Variants in KLF5 observed in about 807,000 individuals in gnomAD.
KLF5 encodes the protein Krueppel-like factor 5.
Under a neutral mutation model 36.9 loss-of-function variants are expected in KLF5, and 9 were observed. The observed-to-expected ratio is 0.24, with a 90% CI of 0.15 to 0.43. The LOEUF is 0.43. Ranked by LOEUF, KLF5 falls within the 20% of genes least tolerant of loss-of-function variation. The probability of loss-of-function intolerance (pLI) is 1.00; values close to 1 mark genes in which losing one functional copy is unlikely to be tolerated. For synonymous variants in KLF5, 246 were observed against 241.7 expected (o/e 1.02, Z -0.17); for missense variants, 524 against 599.5 (o/e 0.87, Z 1.31).
In KLF5 at chr13:73,059,154, A is replaced by G; in HGVS notation, c.-174A>G. ...TGGCGTTTACGTGTGGAAGAGCGGA[A>G]GAGTTTTGCTTTTCGTGCGCGCCTT... On this transcript the variant is annotated 5_prime_UTR_variant, in exon 1 of 4. Coordinates refer to ENST00000377687, the MANE Select transcript of KLF5 (RefSeq NM_001730.5). 1 of 475,032 alleles carries G rather than the reference A, an allele frequency of 2.1e-6. No homozygotes were observed. The highest frequency in any genetic ancestry group is 7.3e-5 in the South Asian group (1 of 13,626). 29.4% of individuals were successfully genotyped at this position (475,032 alleles called of 1,614,324 possible).
intron 1 of KLF5, 53 bp downstream of exon 1, chr13:73,059,641 C>A: frequency 8.9e-7 from 1 of 1,124,882 alleles, no homozygotes; most frequent in Non-Finnish European, 1.1e-6. Context: ...CGGGCGTGTC[C>A]CGTTGCTGCG....
rs750883928 is a variant in KLF5, at chr13:73,075,800, G to A, written c.1288G>A (p.Ala430Thr). The A allele has an allele frequency of 2.5e-6, 4 of 1,613,596 alleles. No homozygotes were observed. Among genetic ancestry groups the A allele is most frequent in the Non-Finnish European group, 3.4e-6 (4 of 1,179,590 alleles). The stretch of plus-strand genomic sequence containing the variant: ...CCGCCACTACCGGAAGCACACAGGC[G>A]CCAAGCCCTTCCAGTGCGGGGTGTG... ...LTRHYRKHTGAKPFQCGVCNR... is the reference protein window; with the variant it reads ...LTRHYRKHTGTKPFQCGVCNR... Residue 430 changes from alanine (A) to threonine (T), a missense_variant, in exon 4 of 4, where the codon GCC becomes ACC. Transcript: ENST00000377687.
intron 3 of KLF5, among the ~76,000 whole-genome samples, chr13:73,073,861 G>GT (rs1380600962): frequency 1.3e-5 from 2 of 152,154 alleles, no homozygotes; most frequent in Non-Finnish European, 2.9e-5. Context: ...TTATGTGATT[G>GT]TAAGTGACAG....
chr13:73,059,606 C>G lies in KLF5; in HGVS notation c.261+18C>G, dbSNP rs1410750073. 2.7e-5 allele frequency: 31 copies of G among 1,148,722 alleles called. No homozygotes were observed. The highest frequency in any genetic ancestry group is 3.0e-5 in the Non-Finnish European group (28 of 935,150). 71.2% of individuals were successfully genotyped at this position (1,148,722 alleles called of 1,614,324 possible). A position where few individuals can be genotyped will look rare whatever the true frequency, so the allele number is the denominator to read the frequency against. On this transcript the variant is annotated intron_variant, in intron 1 of 3. Transcript: ENST00000377687. ...TGGTCCAGGTAGGAAGAGCCGCTCC[C>G]CTCCCACCGCAGCACTCCCGGGCTC...
In KLF5 at chr13:73,062,570, C is replaced by T; in HGVS notation, c.971C>T (p.Pro324Leu). The T allele has an allele frequency of 6.2e-7, 1 of 1,614,246 alleles. No homozygotes were observed. Among genetic ancestry groups the T allele is most frequent in the Non-Finnish European group, 8.5e-7 (1 of 1,180,042 alleles). Residue 324 changes from proline (P) to leucine (L), a missense_variant, in exon 2 of 4, where the codon CCA becomes CTA. Transcript: ENST00000377687. ...GCAGAGATGCTCCAGAATTTAACCC[C>T]ACCTCCATCCTATGCTGCTACAATT... ...RQAEMLQNLTPPPSYAATIAS... is the reference protein window; with the variant it reads ...RQAEMLQNLTLPPSYAATIAS...
chr13:73,058,112 A>G (rs568107184), upstream of KLF5, among the ~76,000 whole-genome samples: 2 of 152,228 alleles, frequency 1.3e-5, no homozygotes, highest in Non-Finnish European at 2.9e-5. Flanking sequence ...TTGAACATAC[A>G]GTGCTAGCAA....
intron 1 of KLF5, chr13:73,059,840 G>A: frequency 1.0e-6 from 1 of 961,250 alleles, no homozygotes; most frequent in Non-Finnish European, 1.2e-6. Context: ...CCTGGGAGAG[G>A]TAAGAGGGAG....
Position 73,062,304 on chromosome 13 carries a change from G to T in KLF5, c.705G>T (p.Pro235=), listed in dbSNP as rs1436094070. ...QGHLYQLLNT[P]DLDMPSSTNQ... is the part of the protein sequence containing the mutation. ...ACCTGTACCAGCTACTGAATACACC[G>T]GATCTAGATATGCCCAGTTCTACAA... The change falls in exon 2 of 4, where the codon CCG becomes CCT. Residue 235 remains proline (P), a synonymous_variant. Transcript: ENST00000377687. 1.2e-6 allele frequency: 2 copies of T among 1,613,874 alleles called. No individual in the cohort carries two copies. The highest frequency in any genetic ancestry group is 2.7e-5 in the African/African-American group (2 of 74,852).
intron 2 of KLF5, 149 bp from the exon 3 acceptor site, chr13:73,063,675 C>T (rs1399352477): frequency 8.3e-6 from 5 of 599,322 alleles, no homozygotes; most frequent in Non-Finnish European, 1.5e-5. Context: ...TGGGGGAGGG[C>T]TCTTTAAAAC....
chr13:73,077,505 T>A lies in KLF5; in HGVS notation c.*1619T>A, dbSNP rs2044773066. ...TGAGATGTTTATATATTAACGACAATTTTTTTTTTGGAAAATAAAAAGTGC... is the reference window on the plus strand; with the variant it reads ...TGAGATGTTTATATATTAACGACAAATTTTTTTTTGGAAAATAAAAAGTGC... On this transcript the variant is annotated 3_prime_UTR_variant, in exon 4 of 4. Transcript: ENST00000377687. 1 of 150,456 alleles carries A rather than the reference T, an allele frequency of 6.6e-6. No homozygotes were observed. The highest frequency in any genetic ancestry group is 2.4e-5 in the African/African-American group (1 of 40,942). The allele number at this position is 150,456 out of a possible 1,614,324, so 9.3% of individuals were successfully genotyped here.
chr13:73,065,426 ACTG>A (rs1401161678), intron 3 of KLF5, among the ~76,000 whole-genome samples: 2 of 152,188 alleles, frequency 1.3e-5, no homozygotes, highest in African/African-American at 4.8e-5. Context: ...TTTTTGAGAA[ACTG>A]CTTTTAAGGA....
In KLF5 at chr13:73,059,200, C is replaced by CT; in HGVS notation, c.-127dup. ...GCCTTCGAAAACTGCCTGCCGCTGT[C>CT]TGAGGAGTCCACCCGAAACCTCCCC... On this transcript the variant is annotated 5_prime_UTR_variant, in exon 1 of 4. Transcript: ENST00000377687. The CT allele has an allele frequency of 1.1e-6, 1 of 875,902 alleles. No individual in the cohort carries two copies. The allele number at this position is 875,902 out of a possible 1,614,324, so 54.3% of individuals were successfully genotyped here. A position where few individuals can be genotyped will look rare whatever the true frequency, so the allele number is the denominator to read the frequency against.
chr13:73,065,686 A>G (rs1594395314), intron 3 of KLF5, among the ~76,000 whole-genome samples: 1 of 152,386 alleles, frequency 6.6e-6, no homozygotes, highest in East Asian at 1.9e-4. Context: ...TTTACAGAAT[A>G]TAAATGGAAA....
chr13:73,075,638 C>T lies in KLF5; in HGVS notation c.1196-70C>T. The T allele has an allele frequency of 4.7e-6, 6 of 1,289,670 alleles. No individual in the cohort carries two copies. In the South Asian group the frequency reaches 7.1e-5, roughly 15 times the overall value. 79.9% of individuals were successfully genotyped at this position (1,289,670 alleles called of 1,614,324 possible). A position where few individuals can be genotyped will look rare whatever the true frequency, so the allele number is the denominator to read the frequency against. The stretch of plus-strand genomic sequence containing the variant: ...AAGATTTTTTTTTTCTTTGAAATTC[C>T]TTCTCCGGTGTTATCTAGGATGTTT... On this transcript the variant is annotated intron_variant, in intron 3 of 3. Coordinates refer to ENST00000377687, the MANE Select transcript of KLF5 (RefSeq NM_001730.5).
At chr13:73,072,301 C>G (rs2044727947) in intron 3 of KLF5, among the ~76,000 whole-genome samples, 1 of 152,182 alleles carries the variant, frequency 6.6e-6, no homozygotes, top group African/African-American at 2.4e-5. Context: ...CACTAACCCA[C>G]TGAAATTCAC....
At chr13:73,059,911 T>G in intron 1 of KLF5, 1 of 517,330 alleles carries the variant, frequency 1.9e-6, no homozygotes, top group Non-Finnish European at 2.5e-6. Flanking sequence ...CGAAACCTTG[T>G]ACCTTACGCT....
chr13:73,062,679 TAGA>T lies in KLF5; in HGVS notation c.1083_1085del (p.Arg362del). ...AAAACATCCAACCTGTCAGATACAA[TAGA>T]AGGAGTAACCCCGATTTGGAGAAAC... On this transcript the variant is annotated inframe_deletion, in exon 2 of 4. Coordinates refer to ENST00000377687, the MANE Select transcript of KLF5 (RefSeq NM_001730.5). The T allele has an allele frequency of 6.2e-7, 1 of 1,614,052 alleles. No homozygotes were observed. The highest frequency in any genetic ancestry group is 1.6e-4 in the Middle Eastern group (1 of 6,062).
At position 73,062,623 on chromosome 13, in the gene KLF5, A is replaced by G. The variant is rs369230623; in HGVS notation, c.1024A>G (p.Asn342Asp). The change falls in exon 2 of 4, where the codon AAT (asparagine) becomes GAT (aspartate). Residue 342 changes from asparagine (N) to aspartate (D), a missense_variant. Transcript: ENST00000377687. ...TTCTAAACTGGCAATTCACAATCCAAATTTACCCACCACCCTGCCAGTTAA... is the reference window on the plus strand; with the variant it reads ...TTCTAAACTGGCAATTCACAATCCAGATTTACCCACCACCCTGCCAGTTAA... ...IASKLAIHNP[N>D]LPTTLPVNSQ... 82 of 1,614,026 alleles carry G rather than the reference A, an allele frequency of 5.1e-5. No individual in the cohort carries two copies. The highest frequency in any genetic ancestry group is 6.9e-5 in the Non-Finnish European group (81 of 1,180,032).
intron 3 of KLF5, among the ~76,000 whole-genome samples, 154 bp downstream of exon 3, chr13:73,064,037 C>G (rs1448201352): frequency 7.3e-6 from 1 of 136,654 alleles, no homozygotes; most frequent in Non-Finnish European, 1.5e-5. Context: ...AGGCTTGGTT[C>G]AGAATTCAGT....
Sources: allele counts gnomAD v4.1 joint callset (sites outside exome capture counted in the v4.1 genomes callset), GRCh38; gene constraint gnomAD v4.1.1; transcripts MANE v1.5; gene names NCBI Gene and HGNC (gene_info 2026-07-23, HGNC 2026-07-21).